Variants in ZNF804B observed in about 807,000 individuals in gnomAD.
ZNF804B encodes the protein zinc finger protein 804B, also known as zinc finger 804B.
In ZNF804B, 80 loss-of-function variants were observed where a neutral mutation model predicts 101.4. The observed-to-expected ratio is 0.79, with a 90% CI of 0.66 to 0.95. ZNF804B has a LOEUF of 0.95. Ranked by LOEUF, ZNF804B falls within the 40% of genes least tolerant of loss-of-function variation. The pLI is 0.00. For missense variants in ZNF804B, 1,673 were observed against 1,561.9 expected (o/e 1.07, Z -1.20); for synonymous variants, 622 against 558.8 (o/e 1.11, Z -1.59).
At chr7:88,851,716 G>A (rs1037228673) in intron 1 of ZNF804B, among the ~76,000 whole-genome samples, 10 of 152,128 alleles carry the variant, frequency 6.6e-5, no homozygotes, top group African/African-American at 2.2e-4. Flanking sequence ...AACTATATGA[G>A]TAAATATAAA....
intron 1 of ZNF804B, among the ~76,000 whole-genome samples, chr7:88,992,946 T>G (rs1322241355): frequency 6.6e-6 from 1 of 152,066 alleles, no homozygotes; most frequent in African/African-American, 2.4e-5. Context: ...TATGCTTTTT[T>G]AACTTTTATT....
chr7:88,996,434 T>C (rs1488032743), intron 1 of ZNF804B, among the ~76,000 whole-genome samples: 1 of 152,060 alleles, frequency 6.6e-6, no homozygotes, highest in Admixed American at 6.6e-5. Context: ...AATTCTTCCT[T>C]ATATTCAGTG....
At chr7:89,022,926 A>G (rs919287948) in intron 1 of ZNF804B, among the ~76,000 whole-genome samples, 1 of 152,190 alleles carries the variant, frequency 6.6e-6, no homozygotes, top group Non-Finnish European at 1.5e-5. Flanking sequence ...CATTAGGAGA[A>G]AAAATAACTA....
chr7:89,025,514 C>A (rs2116222506), intron 1 of ZNF804B, among the ~76,000 whole-genome samples: 1 of 152,166 alleles, frequency 6.6e-6, no homozygotes, highest in African/African-American at 2.4e-5. Context: ...TTATTTAGAA[C>A]AAACTTCCTG....
At chr7:88,866,069 T>C (rs897358292) in intron 1 of ZNF804B, among the ~76,000 whole-genome samples, 1 of 152,152 alleles carries the variant, frequency 6.6e-6, no homozygotes, top group Non-Finnish European at 1.5e-5. Flanking sequence ...ACATGTTAGC[T>C]AAGCAAAACT....
intron 1 of ZNF804B, among the ~76,000 whole-genome samples, chr7:88,876,523 C>A (rs1385855421): frequency 6.6e-6 from 1 of 152,160 alleles, no homozygotes; most frequent in African/African-American, 2.4e-5. Context: ...ATCCTCAACA[C>A]TTCTGGAGAT....
chr7:88,799,240 ATACCATTTAT>A (rs1324165517), intron 1 of ZNF804B, among the ~76,000 whole-genome samples: 2 of 152,096 alleles, frequency 1.3e-5, no homozygotes, highest in African/African-American at 4.8e-5. Flanking sequence ...AAACAATTAA[ATACCATTTAT>A]TATTTACCAT....
intron 2 of ZNF804B, among the ~76,000 whole-genome samples, chr7:89,301,091 TC>T (rs934417503): frequency 2.4e-3 from 339 of 140,878 alleles, no homozygotes; most frequent in Middle Eastern, 3.6e-3. Flanking sequence ...TTGGAATTTT[TC>T]AAGCGTGTTT....
intron 1 of ZNF804B, among the ~76,000 whole-genome samples, chr7:88,911,208 A>G (rs1048084628): frequency 6.6e-6 from 1 of 151,916 alleles, no homozygotes; most frequent in Non-Finnish European, 1.5e-5. Flanking sequence ...GCGAAAGGAC[A>G]TTTGCAGAAA....
intron 1 of ZNF804B, among the ~76,000 whole-genome samples, chr7:89,067,808 TA>T (rs1289459918): frequency 6.9e-6 from 1 of 145,486 alleles, no homozygotes; most frequent in Non-Finnish European, 1.5e-5. Context: ...CAAACTATGC[TA>T]ATTTTTTTCT....
intron 1 of ZNF804B, among the ~76,000 whole-genome samples, chr7:89,076,127 A>G (rs533439872): frequency 1.8e-4 from 27 of 152,204 alleles, no homozygotes; most frequent in Non-Finnish European, 3.1e-4. Context: ...TAATGCTGAA[A>G]TGAGTTAAGA....
intron 1 of ZNF804B, among the ~76,000 whole-genome samples, chr7:88,858,569 C>G (rs932962607): frequency 1.3e-5 from 2 of 152,000 alleles, no homozygotes; most frequent in African/African-American, 2.4e-5. Context: ...TAAACACTGC[C>G]AGATGATGTG....
At chr7:88,951,470 G>A (rs73202738) in intron 1 of ZNF804B, among the ~76,000 whole-genome samples, 15,515 of 151,734 alleles carry the variant, frequency 0.1, 867 homozygotes, top group South Asian at 0.17. Context: ...GCGTGCGCAC[G>A]CGCACGCACA....
chr7:89,254,894 C>T (rs1477805237), intron 2 of ZNF804B, among the ~76,000 whole-genome samples: 1 of 152,142 alleles, frequency 6.6e-6, no homozygotes, highest in African/African-American at 2.4e-5. Flanking sequence ...AATCCACCCA[C>T]CTTGGCCTCC....
intron 1 of ZNF804B, among the ~76,000 whole-genome samples, chr7:89,047,805 C>T (rs1789133779): frequency 6.6e-6 from 1 of 152,054 alleles, no homozygotes; most frequent in African/African-American, 2.4e-5. Context: ...TCTCTCTAGA[C>T]TGTCTAGAAC....
chr7:89,232,921 T>C (rs1195329970), intron 2 of ZNF804B, among the ~76,000 whole-genome samples: 1 of 152,150 alleles, frequency 6.6e-6, no homozygotes, highest in Non-Finnish European at 1.5e-5. Flanking sequence ...AATTTATTTA[T>C]TTTTATTAAT....
intron 1 of ZNF804B, among the ~76,000 whole-genome samples, chr7:89,044,412 A>G (rs1257891903): frequency 6.6e-6 from 1 of 152,168 alleles, no homozygotes; most frequent in Non-Finnish European, 1.5e-5. Flanking sequence ...GGTATCACAG[A>G]AAGTGGGGTG....
At chr7:89,233,760 T>A (rs930661172) in intron 2 of ZNF804B, among the ~76,000 whole-genome samples, 2 of 152,082 alleles carry the variant, frequency 1.3e-5, no homozygotes, top group Non-Finnish European at 2.9e-5. Context: ...TGCCTCAGCC[T>A]CCTGAGTAGC....
At chr7:89,025,508 T>G (rs114718988) in intron 1 of ZNF804B, among the ~76,000 whole-genome samples, 2,999 of 152,196 alleles carry the variant, frequency 0.02, 107 homozygotes, top group African/African-American at 0.069. Flanking sequence ...CCAGTGTTAT[T>G]TAGAACAAAC....
Sources: gnomAD v4.1 joint callset for allele counts (sites outside exome capture counted in the v4.1 genomes callset) on GRCh38, gnomAD v4.1.1 for gene constraint, MANE v1.5 for transcripts, NCBI Gene and HGNC (gene_info 2026-07-23, HGNC 2026-07-21) for gene names.